The following SRGAP2C variants were observed in gnomAD, a reference collection of about 807,000 sequenced individuals.
SRGAP2C encodes the protein SLIT-ROBO Rho GTPase-activating protein 2C.
In SRGAP2C, 15 loss-of-function variants were observed where a neutral mutation model predicts 25.1. The ratio of observed to expected loss-of-function variants is 0.60; its 90% CI spans 0.40 to 0.92. The LOEUF (loss-of-function observed/expected upper bound fraction) is 0.92. Ranked by LOEUF, SRGAP2C falls within the 40% of genes least tolerant of loss-of-function variation. The pLI, the probability that SRGAP2C is intolerant of heterozygous loss-of-function variation, is 0.00. For missense variants in SRGAP2C, 144 were observed against 264.4 expected, an observed-to-expected ratio of 0.54 and a Z score of 3.16; for synonymous variants, 44 against 96.6, an observed-to-expected ratio of 0.46 and a Z score of 3.19.
intron 2 of SRGAP2C, among the ~76,000 whole-genome samples, chr1:121,271,048 TG>T (rs1405178143): frequency 9.2e-5 from 14 of 151,648 alleles, no homozygotes; most frequent in African/African-American, 2.9e-4. Flanking sequence ...CTGCCTGCAT[TG>T]GCCTCCCAAA....
At chr1:121,370,981 T>C (rs1416461891) in intron 5 of SRGAP2C, among the ~76,000 whole-genome samples, 12 of 151,838 alleles carry the variant, frequency 7.9e-5, no homozygotes, top group African/African-American at 2.2e-4. Context: ...ACCTTTTTTT[T>C]CCTATTATTT....
At chr1:121,369,214 TG>T in intron 5 of SRGAP2C, among the ~76,000 whole-genome samples, 1 of 28,944 alleles carries the variant, frequency 3.5e-5, no homozygotes, top group East Asian at 1.1e-3. Context: ...ATGTAAGCCA[TG>T]GCATAAGTGG....
At chr1:121,221,861 A>G (rs1553325705) in intron 2 of SRGAP2C, among the ~76,000 whole-genome samples, 1 of 151,316 alleles carries the variant, frequency 6.6e-6, no homozygotes, top group Admixed American at 6.6e-5. Context: ...TGCTGTACTC[A>G]TCACTATAGA....
intron 2 of SRGAP2C, among the ~76,000 whole-genome samples, chr1:121,222,404 G>A (rs587602671): frequency 7.0e-4 from 106 of 152,196 alleles, no homozygotes; most frequent in Non-Finnish European, 1.2e-3. Context: ...TGAGGTGGGT[G>A]GATTGCTTGA....
chr1:121,362,472 C>A (rs1659217647), intron 4 of SRGAP2C, among the ~76,000 whole-genome samples: 2 of 151,932 alleles, frequency 1.3e-5, no homozygotes, highest in African/African-American at 4.8e-5. Context: ...GGCTTAATTG[C>A]TGTTTTTTTT....
chr1:121,323,636 A>G (rs1306859631), intron 3 of SRGAP2C, among the ~76,000 whole-genome samples: 1 of 138,508 alleles, frequency 7.2e-6, no homozygotes, highest in Admixed American at 7.3e-5. Flanking sequence ...AAAAAAAAAA[A>G]AAAGGGAATG....
rs1274388012 is a variant in SRGAP2C at position 121,210,049 on chromosome 1, T to C, written c.67+22536T>C. ...GGGTTCATAACAGGTGATTAGACAG[T>C]CTTGTTGATAGTTTGGAGAACGATC... On this transcript the variant is annotated intron_variant, in intron 2 of 9. Transcript: ENST00000367123. 2.0e-5 allele frequency among the ~76,000 whole-genome samples: 3 copies of C among 151,242 alleles called. No homozygotes were observed. In the East Asian group the frequency reaches 5.9e-4, roughly 30 times the overall value.
At chr1:121,314,568 T>G (rs1469297390) in intron 3 of SRGAP2C, among the ~76,000 whole-genome samples, 8 of 151,854 alleles carry the variant, frequency 5.3e-5, no homozygotes, top group Admixed American at 4.6e-4. Context: ...TCTCTACTTT[T>G]GGTCTTTGAT....
intron 2 of SRGAP2C, among the ~76,000 whole-genome samples, chr1:121,279,908 A>G (rs1657203161): frequency 6.8e-6 from 1 of 146,794 alleles, no homozygotes; most frequent in Non-Finnish European, 1.5e-5. Flanking sequence ...AATGGAAACC[A>G]AGAATCCGTT....
intron 2 of SRGAP2C, among the ~76,000 whole-genome samples, chr1:121,212,283 A>G (rs1655281799): frequency 6.9e-6 from 1 of 143,916 alleles, no homozygotes; most frequent in African/African-American, 2.6e-5. Context: ...GGCGCCCGCC[A>G]CCACGCTCGG....
At chr1:121,374,612 G>T (rs373367104) in intron 6 of SRGAP2C, among the ~76,000 whole-genome samples, 2 of 152,148 alleles carry the variant, frequency 1.3e-5, no homozygotes, top group South Asian at 4.1e-4. Context: ...AGCGGGGCAC[G>T]CATCTTAAGT....
intron 2 of SRGAP2C, among the ~76,000 whole-genome samples, chr1:121,188,219 C>A (rs1287646223): frequency 6.6e-6 from 1 of 152,172 alleles, no homozygotes; most frequent in Non-Finnish European, 1.5e-5. Context: ...AATTGTTTAA[C>A]CCTTCTGTGC....
At chr1:121,235,610 C>CTGTCT (rs1295360506) in intron 2 of SRGAP2C, among the ~76,000 whole-genome samples, 5 of 49,500 alleles carry the variant, frequency 1.0e-4, no homozygotes, top group Admixed American at 1.9e-4. Context: ...AGCTCACATT[C>CTGTCT]TGTCTTGCTT....
intron 3 of SRGAP2C, among the ~76,000 whole-genome samples, chr1:121,303,556 A>T (rs1657746636): frequency 6.6e-6 from 1 of 150,600 alleles, no homozygotes; most frequent in Non-Finnish European, 1.5e-5. Flanking sequence ...TTTAGTGGGA[A>T]ATGGTATTTA....
chr1:121,357,172 G>A (rs1476865160), intron 4 of SRGAP2C, among the ~76,000 whole-genome samples: 3 of 138,564 alleles, frequency 2.2e-5, no homozygotes, highest in Non-Finnish European at 4.6e-5. Flanking sequence ...GTTATCAAGT[G>A]TTACTGCTCA....
At chr1:121,378,434 TTA>T (rs1341410941) in intron 7 of SRGAP2C, among the ~76,000 whole-genome samples, 27 of 149,178 alleles carry the variant, frequency 1.8e-4, no homozygotes, top group Non-Finnish European at 3.8e-4. Context: ...TCACCATAAA[TTA>T]GTTTTGCCCA....
rs1446520589 is a variant in SRGAP2C at position 121,224,813 on chromosome 1, G to A, written c.67+37300G>A. ...TTACCTTAGAGAATGTACAAGACCC[G>A]GGCTTCATGCGTGTGTGAGAGAAAA... On this transcript the variant is annotated intron_variant, in intron 2 of 9. Transcript: ENST00000367123. Among the ~76,000 whole-genome samples the A allele has an allele frequency of 3.9e-5, 6 of 152,028 alleles. No individual in the cohort carries two copies. The East Asian group carries it at 5.8e-4, about 15-fold the overall frequency.
intron 3 of SRGAP2C, among the ~76,000 whole-genome samples, chr1:121,285,404 T>TCACA (rs1343653361): frequency 3.2e-5 from 4 of 124,558 alleles, no homozygotes; most frequent in African/African-American, 5.9e-5. Context: ...TCTCTCTCTC[T>TCACA]CACACACACA....
intron 2 of SRGAP2C, among the ~76,000 whole-genome samples, chr1:121,223,312 A>C (rs1272224927): frequency 7.5e-6 from 1 of 132,694 alleles, no homozygotes. Flanking sequence ...GACCCAAATG[A>C]CTTTTTTATT....
Sources: allele counts gnomAD v4.1 joint callset (sites outside exome capture counted in the v4.1 genomes callset), GRCh38; gene constraint gnomAD v4.1.1; transcripts MANE v1.5; gene names NCBI Gene and HGNC (gene_info 2026-07-23, HGNC 2026-07-21).